The following OTOF variants were observed in gnomAD, a reference collection of about 807,000 sequenced individuals.
OTOF encodes the protein fer-1-like family member 2.
A neutral mutation model predicts 236.8 loss-of-function variants in OTOF; 218 were observed. That is an observed-to-expected ratio of 0.92 (90% confidence interval 0.82 to 1.03). The LOEUF (loss-of-function observed/expected upper bound fraction) is 1.03, where lower values mean the gene tolerates loss of function less well. Ranked by LOEUF, OTOF falls within the 50% of genes least tolerant of loss-of-function variation. OTOF has a pLI of 0.00. For missense variants in OTOF, 2,590 were observed against 2,694.4 expected, an observed-to-expected ratio of 0.96 and a Z score of 0.86; for synonymous variants, 1,041 against 1,072.5, an observed-to-expected ratio of 0.97 and a Z score of 0.57.
intron 11 of OTOF, among the ~76,000 whole-genome samples, chr2:26,488,543 G>T (rs1167806493): frequency 6.6e-6 from 1 of 152,226 alleles, no homozygotes; most frequent in African/African-American, 2.4e-5. Flanking sequence ...ACACATGGCT[G>T]CCCAAAAGCC....
At chr2:26,525,665 G>T (rs935942412) in intron 3 of OTOF, among the ~76,000 whole-genome samples, 2 of 152,146 alleles carry the variant, frequency 1.3e-5, no homozygotes, top group African/African-American at 4.8e-5. Context: ...GTGAAAAGAT[G>T]GATGGATGGA....
Position 26,474,056 on chromosome 2 carries a change from C to T in OTOF, c.3343G>A (p.Asp1115Asn). ...LPPINGPVDV[D>N]RGPIMPVPMG... ...GGCACGGGCATGATGGGACCTCGGT[C>T]CACGTCCACCGGGCCATTGATGGGG... is the stretch of plus-strand genomic sequence containing the variant. Residue 1115 changes from aspartate to asparagine, a missense_variant, in exon 27 of 47, where the codon GAC (aspartate) becomes AAC (asparagine). Asp to Asn is a conservative substitution (Grantham distance 23). Transcript: ENST00000272371. 2 of 1,612,960 alleles carry T rather than the reference C, an allele frequency of 1.2e-6. No homozygotes were observed. The highest frequency in any genetic ancestry group is 1.7e-6 in the Non-Finnish European group (2 of 1,179,862).
intron 1 of OTOF, among the ~76,000 whole-genome samples, chr2:26,550,085 T>A (rs1294640134): frequency 1.3e-5 from 2 of 151,802 alleles, no homozygotes; most frequent in East Asian, 3.9e-4. Context: ...CAGTCCTGAC[T>A]TTACCTTAAA....
chr2:26,535,182 G>A (rs953927207), intron 2 of OTOF, among the ~76,000 whole-genome samples: 11 of 152,166 alleles, frequency 7.2e-5, no homozygotes, highest in African/African-American at 2.2e-4. Flanking sequence ...ACTCCAACAC[G>A]GGCCTTGCAG....
chr2:26,536,645 C>T (rs930876040), intron 2 of OTOF, among the ~76,000 whole-genome samples: 6 of 152,150 alleles, frequency 3.9e-5, no homozygotes, highest in African/African-American at 7.2e-5. Context: ...CTCAGCCGAA[C>T]GCCAGCAGCC....
chr2:26,483,845 G>T (rs538692287), intron 12 of OTOF, among the ~76,000 whole-genome samples, 197 bp from the exon 13 acceptor site: 3 of 152,190 alleles, frequency 2.0e-5, no homozygotes, highest in African/African-American at 7.2e-5. Context: ...CTGAGCTGCC[G>T]TTTCCTCACT....
chr2:26,550,701 G>C (rs546293263), intron 1 of OTOF, among the ~76,000 whole-genome samples: 1 of 152,088 alleles, frequency 6.6e-6, no homozygotes. Context: ...TGATCCCAGC[G>C]CCGCTCCTTC....
In OTOF at chr2:26,460,267, C is replaced by T. The variant is rs893297121; in HGVS notation, c.5814-62G>A. On this transcript the variant is annotated intron_variant, in intron 45 of 46. Transcript: ENST00000272371. This position sits in a 1 kb window ranked among gnomAD's most constrained non-coding sequence, Gnocchi z 5.3. ...AGGGAGGAGAAGGGATTGGGTGTGG[C>T]GAGGGGCCAAGACCAAGAGGGAAGC... is the stretch of plus-strand genomic sequence containing the variant. The T allele has an allele frequency of 2.5e-4, 338 of 1,378,888 alleles. 2 individuals are homozygous for T. Among genetic ancestry groups the T allele is most frequent in the Non-Finnish European group, 2.8e-4 (277 of 988,970 alleles). The allele number at this position is 1,378,888 out of a possible 1,614,324, so 85.4% of individuals were successfully genotyped here. A position where few individuals can be genotyped will look rare whatever the true frequency, so the allele number is the denominator to read the frequency against.
chr2:26,505,809 G>C (rs541419116), intron 5 of OTOF, among the ~76,000 whole-genome samples: 1 of 152,340 alleles, frequency 6.6e-6, no homozygotes, highest in Admixed American at 6.5e-5. Flanking sequence ...GGCACCCATA[G>C]GTACAGGTAT....
At chr2:26,515,916 C>T (rs1323287214) in intron 5 of OTOF, among the ~76,000 whole-genome samples, 1 of 152,206 alleles carries the variant, frequency 6.6e-6, no homozygotes, top group Non-Finnish European at 1.5e-5. Flanking sequence ...TGGGGGTTCC[C>T]GGGTACCCTC....
chr2:26,548,854 C>T (rs1667396178), intron 1 of OTOF, among the ~76,000 whole-genome samples: 1 of 152,166 alleles, frequency 6.6e-6, no homozygotes, highest in Non-Finnish European at 1.5e-5. Flanking sequence ...CTTAATGATG[C>T]ATTTTTCAGA....
chr2:26,501,916 G>A, intron 7 of OTOF, 108 bp from the exon 8 acceptor site: 1 of 822,920 alleles, frequency 1.2e-6, no homozygotes, highest in Non-Finnish European at 2.2e-6. Context: ...CAGAATCATG[G>A]TCTTTAAACA....
rs1664931432 is a variant in OTOF, at chr2:26,470,672, T to G, written c.3944A>C (p.Glu1315Ala). 7 of 1,613,992 alleles carry G rather than the reference T, an allele frequency of 4.3e-6. No individual in the cohort carries two copies. In the East Asian group the frequency reaches 1.6e-4, roughly 36 times the overall value. Reference protein sequence around the residue: ...KKKKKKGTAEEPEEEEPDESM... With the variant: ...KKKKKKGTAEAPEEEEPDESM... ...CTCGTCTGGCTCCTCCTCCTCTGGC[T>G]CCTCCGCAGTGCCCTTCTTCTTCTT... Residue 1315 changes from glutamate (E) to alanine (A), a missense_variant, in exon 32 of 47, where the codon GAG (glutamate) becomes GCG (alanine). Glu to Ala is a moderately radical substitution (Grantham distance 107). Transcript: ENST00000272371. The surrounding 1 kb of genome is among the most constrained non-coding windows in gnomAD (Gnocchi z 4.3).
chr2:26,476,740 C>T, intron 22 of OTOF, 151 bp downstream of exon 22: 1 of 368,428 alleles, frequency 2.7e-6, no homozygotes, highest in South Asian at 2.1e-5. Context: ...CCTTCCCCAC[C>T]CCTTCCCCCA....
chr2:26,543,780 A>G (rs2010646), intron 1 of OTOF, among the ~76,000 whole-genome samples: 149,272 of 152,336 alleles, frequency 0.98, 73,217 homozygotes, highest in East Asian at 1. Flanking sequence ...GCAGTGGCGT[A>G]ATCTCCGCTC....
At chr2:26,550,598 G>C (rs546508269) in intron 1 of OTOF, among the ~76,000 whole-genome samples, 182 of 152,254 alleles carry the variant, frequency 1.2e-3, no homozygotes, top group African/African-American at 4.2e-3. Flanking sequence ...GTCTAGATGA[G>C]AATCAACTAA....
intron 5 of OTOF, among the ~76,000 whole-genome samples, chr2:26,508,624 G>C (rs1394617114): frequency 6.6e-6 from 1 of 152,182 alleles, no homozygotes; most frequent in Non-Finnish European, 1.5e-5. Context: ...AAGATGATGG[G>C]TGTTTTCTCA....
In OTOF at chr2:26,472,606, G is replaced by T. The variant is rs776975399; in HGVS notation, c.3777C>A (p.Ser1259=). ...RRCRVLCNGG[S]SSHSTGEVVV... Reference sequence around the variant, plus strand: ...CAACCTCCCCTGTGGAGTGAGAGGAGGAGCCCCCATTGCACAGCACACGGC... The same window carrying T: ...CAACCTCCCCTGTGGAGTGAGAGGATGAGCCCCCATTGCACAGCACACGGC... Residue 1259 remains serine, a synonymous_variant, in exon 30 of 47, where the codon TCC becomes TCA. Transcript: ENST00000272371. 1.2e-6 allele frequency: 2 copies of T among 1,613,402 alleles called. No homozygotes were observed. The highest frequency in any genetic ancestry group is 3.3e-5 in the Admixed American group (2 of 60,016).
intron 9 of OTOF, among the ~76,000 whole-genome samples, chr2:26,491,839 G>A (rs1333057635): frequency 6.6e-6 from 1 of 152,242 alleles, no homozygotes; most frequent in Non-Finnish European, 1.5e-5. Flanking sequence ...CCAGGGGAGC[G>A]AGCTAGCTGA....
Sources: allele counts gnomAD v4.1 joint callset (sites outside exome capture counted in the v4.1 genomes callset), GRCh38; gene constraint gnomAD v4.1.1; non-coding constraint Gnocchi (gnomAD v3.1); transcripts MANE v1.5; gene names NCBI Gene and HGNC (gene_info 2026-07-23, HGNC 2026-07-21).